Variants in CHN1 observed in about 807,000 individuals in gnomAD.
CHN1 encodes chimerin 1.
In CHN1, 37 loss-of-function variants were observed where a neutral mutation model predicts 59.5. That is an observed-to-expected ratio of 0.62 (90% CI 0.48 to 0.82). The LOEUF (loss-of-function observed/expected upper bound fraction) is 0.82. Among genes scored for constraint, CHN1 ranks in the 40% least tolerant of loss-of-function variants. The probability of loss-of-function intolerance (pLI) is 0.00; values close to 1 mark genes in which losing one functional copy is unlikely to be tolerated. For synonymous variants in CHN1, 206 were observed against 200.4 expected (o/e 1.03, Z -0.24); for missense variants, 469 against 571.0 (o/e 0.82, Z 1.82).
intron 11 of CHN1, chr2:174,802,111 T>C (rs1379369981): frequency 3.3e-6 from 1 of 302,910 alleles, no homozygotes; most frequent in Non-Finnish European, 6.5e-6. Flanking sequence ...GAATACAGGA[T>C]GTAACTACAA....
intron 5 of CHN1, among the ~76,000 whole-genome samples, chr2:174,894,693 A>G (rs1688157653): frequency 6.6e-6 from 1 of 152,172 alleles, no homozygotes; most frequent in South Asian, 2.1e-4. Flanking sequence ...AGCATTGTTC[A>G]CAATAGCCAA....
intron 7 of CHN1, among the ~76,000 whole-genome samples, chr2:174,829,388 T>G (rs556058047): frequency 6.6e-6 from 1 of 152,224 alleles, no homozygotes; most frequent in Admixed American, 6.5e-5. Flanking sequence ...AGATAAAAAC[T>G]GAAGTCATTC....
At chr2:174,846,158 T>C (rs1356322363) in intron 7 of CHN1, among the ~76,000 whole-genome samples, 1 of 152,132 alleles carries the variant, frequency 6.6e-6, no homozygotes. Context: ...CTGAATTAGA[T>C]TGCAAAGGAC....
At chr2:174,850,194 G>T (rs914879782) in intron 6 of CHN1, among the ~76,000 whole-genome samples, 1 of 152,082 alleles carries the variant, frequency 6.6e-6, no homozygotes, top group Non-Finnish European at 1.5e-5. Flanking sequence ...ATTAGTTATG[G>T]GACTGCCACA....
chr2:174,989,168 G>C (rs992556404), intron 1 of CHN1, among the ~76,000 whole-genome samples: 2 of 151,222 alleles, frequency 1.3e-5, no homozygotes, highest in Non-Finnish European at 1.5e-5. Flanking sequence ...ACAAGGTCAG[G>C]AGTTCGAGAC....
At chr2:174,930,283 C>A (rs1689296861) in intron 3 of CHN1, among the ~76,000 whole-genome samples, 1 of 152,174 alleles carries the variant, frequency 6.6e-6, no homozygotes, top group Non-Finnish European at 1.5e-5. Context: ...CATGACATAA[C>A]AGAAGCAGTG....
At chr2:174,994,270 G>A in intron 1 of CHN1, among the ~76,000 whole-genome samples, 1 of 152,096 alleles carries the variant, frequency 6.6e-6, no homozygotes, top group Non-Finnish European at 1.5e-5. Context: ...TACAGTTGGG[G>A]AATCCATATT....
At chr2:174,898,473 G>A (rs897076882) in intron 5 of CHN1, among the ~76,000 whole-genome samples, 3 of 150,482 alleles carry the variant, frequency 2.0e-5, no homozygotes, top group African/African-American at 4.9e-5. Flanking sequence ...GCTTGGTGGC[G>A]CACACCTGTA....
chr2:174,840,717 C>T (rs72918979), intron 7 of CHN1, among the ~76,000 whole-genome samples: 1,971 of 152,072 alleles, frequency 0.013, 18 homozygotes, highest in Non-Finnish European at 0.018. Flanking sequence ...CAAGATGTTT[C>T]GACACTGTTA....
chr2:174,807,465 T>TGTGTGTGG (rs1684929049), intron 11 of CHN1, among the ~76,000 whole-genome samples: 1 of 127,548 alleles, frequency 7.8e-6, no homozygotes, highest in Non-Finnish European at 1.6e-5. Flanking sequence ...TGTGTGTGTG[T>TGTGTGTGG]GTGTGTGTGT....
At chr2:174,811,381 A>C (rs949502439) in intron 10 of CHN1, 130 bp downstream of exon 10, 3 of 578,226 alleles carry the variant, frequency 5.2e-6, no homozygotes, top group Non-Finnish European at 9.1e-6. Flanking sequence ...TTATAAGCTA[A>C]GTTTTTTAAT....
At chr2:174,972,764 T>C (rs1690799594) in intron 1 of CHN1, among the ~76,000 whole-genome samples, 1 of 152,306 alleles carries the variant, frequency 6.6e-6, no homozygotes, top group East Asian at 1.9e-4. Context: ...GGAATTATAC[T>C]ACATAACCTT....
chr2:174,862,372 C>G (rs998701388), intron 6 of CHN1, among the ~76,000 whole-genome samples: 1 of 149,334 alleles, frequency 6.7e-6, no homozygotes, highest in Non-Finnish European at 1.5e-5. Context: ...CTTGCTCTGT[C>G]GCCAGGCTGG....
chr2:174,958,023 A>C (rs943952985), intron 1 of CHN1, among the ~76,000 whole-genome samples: 5 of 152,070 alleles, frequency 3.3e-5, no homozygotes, highest in African/African-American at 9.7e-5. Context: ...ATGCAAGAAG[A>C]AGCCAGCGAC....
intron 1 of CHN1, among the ~76,000 whole-genome samples, chr2:174,987,303 T>G (rs1328860225): frequency 2.0e-5 from 3 of 152,010 alleles, no homozygotes; most frequent in Non-Finnish European, 4.4e-5. Flanking sequence ...TTATTTCACA[T>G]AGCAAGAAAG....
rs1229071219 is a variant in CHN1, at chr2:174,800,158, C to T, written c.1338G>A (p.Leu446=). The change falls in exon 13 of 13, where the codon CTG becomes CTA. Residue 446 remains leucine, a synonymous_variant. Coordinates refer to ENST00000409900, the MANE Select transcript of CHN1 (RefSeq NM_001822.7). ...AALNDIRYQR[L]VVELLIKNED... is the part of the protein sequence containing the mutation. ...CGTTTTTGATAAGCAGCTCCACCAC[C>T]AGTCTCTGATACCGTATATCATTCA... The T allele has an allele frequency of 2.6e-6, 4 of 1,562,866 alleles. No individual in the cohort carries two copies. The highest frequency in any genetic ancestry group is 1.4e-5 in the African/African-American group (1 of 73,126).
At chr2:174,944,494 T>A (rs190796539) in intron 3 of CHN1, among the ~76,000 whole-genome samples, 5 of 152,314 alleles carry the variant, frequency 3.3e-5, no homozygotes, top group Admixed American at 3.3e-4. Flanking sequence ...TGGTGAACTA[T>A]CCACATCTTT....
At chr2:174,813,304 T>A (rs1685136611) in intron 8 of CHN1, among the ~76,000 whole-genome samples, 1 of 152,182 alleles carries the variant, frequency 6.6e-6, no homozygotes, top group South Asian at 2.1e-4. Flanking sequence ...AGGATATAGC[T>A]GAAGAGACGT....
At chr2:174,932,383 G>A (rs1689375543) in intron 3 of CHN1, among the ~76,000 whole-genome samples, 1 of 152,164 alleles carries the variant, frequency 6.6e-6, no homozygotes, top group Non-Finnish European at 1.5e-5. Context: ...GTTTTAATGG[G>A]TCTAGCATTG....
Sources: allele counts gnomAD v4.1 joint callset (sites outside exome capture counted in the v4.1 genomes callset), GRCh38; gene constraint gnomAD v4.1.1; transcripts MANE v1.5; gene names NCBI Gene and HGNC (gene_info 2026-07-23, HGNC 2026-07-21).